The following TAF8 variants were observed in gnomAD, a reference collection of about 807,000 sequenced individuals.
TAF8 encodes TATA-box binding protein associated factor 8, also known as transcription initiation factor TFIID subunit 8.
Under a neutral mutation model 36.5 loss-of-function variants are expected in TAF8, and 47 were observed. The ratio of observed to expected loss-of-function variants is 1.29; its 90% CI spans 1.02 to 1.64. The LOEUF is 1.64. Ranked by LOEUF, TAF8 falls within the 40% of genes most tolerant of loss-of-function variation. The probability of loss-of-function intolerance (pLI) is 0.00; values close to 1 mark genes in which losing one functional copy is unlikely to be tolerated. For synonymous variants in TAF8, 175 were observed against 159.5 expected, an observed-to-expected ratio of 1.10 and a Z score of -0.73; for missense variants, 420 against 407.6, an observed-to-expected ratio of 1.03 and a Z score of -0.26.
intron 1 of TAF8, chr6:42,051,085 C>G (rs2127446697): frequency 8.8e-7 from 1 of 1,133,174 alleles, no homozygotes; most frequent in African/African-American, 1.6e-5. Flanking sequence ...GCTATGTATT[C>G]TAATAATCTG....
downstream of TAF8, chr6:42,086,854 TCCAG>T: frequency 8.6e-7 from 1 of 1,160,326 alleles, no homozygotes; most frequent in Non-Finnish European, 1.3e-6. Context: ...CTGTGCTCCT[TCCAG>T]CCCTTGCTGG....
intron 7 of TAF8, among the ~76,000 whole-genome samples, chr6:42,070,214 C>T (rs113333281): frequency 0.015 from 2,306 of 152,052 alleles, 40 homozygotes; most frequent in African/African-American, 0.046. Flanking sequence ...AAAGGCCGGG[C>T]GCGGTGGCTC....
intron 5 of TAF8, among the ~76,000 whole-genome samples, chr6:42,060,822 T>C (rs544840888): frequency 6.6e-6 from 1 of 152,360 alleles, no homozygotes; most frequent in South Asian, 2.1e-4. Flanking sequence ...CAATTAGCTA[T>C]ACTGCCATAA....
chr6:42,051,491 G>A lies in TAF8; in HGVS notation c.180G>A (p.Thr60=), dbSNP rs760650503. The A allele has an allele frequency of 4.6e-5, 74 of 1,613,894 alleles. No homozygotes were observed. The highest frequency in any genetic ancestry group is 3.3e-4 in the Middle Eastern group (2 of 6,082). ...GTGCCGAGAAAGCATCCGTGGAAAC[G>A]CTGACAGAGATGCTGCAGAGCTGTG... The part of the protein sequence containing the change: ...FESAEKASVE[T]LTEMLQSYIS... Residue 60 remains threonine (T), a synonymous_variant, in exon 2 of 9, where the codon ACG becomes ACA. Coordinates refer to ENST00000372977, the MANE Select transcript of TAF8 (RefSeq NM_138572.3).
chr6:42,080,988 G>A lies in TAF8; in HGVS notation c.*3443G>A. The A allele has an allele frequency of 1.4e-5, 14 of 984,972 alleles. No individual in the cohort carries two copies. Among genetic ancestry groups the A allele is most frequent in the Non-Finnish European group, 1.7e-5 (14 of 829,576 alleles). 61.0% of individuals were successfully genotyped at this position (984,972 alleles called of 1,614,324 possible). A position where few individuals can be genotyped will look rare whatever the true frequency, so the allele number is the denominator to read the frequency against. On this transcript the variant is annotated 3_prime_UTR_variant, in exon 9 of 9. Transcript: ENST00000372977. ...TAAGTCAGGCTTAGCCCTTGTGTTG[G>A]CCTAAGCACACCTGGGAACTTAGTA...
rs766461968 is a variant in TAF8, at chr6:42,068,524, G to C, written c.697G>C (p.Glu233Gln). The change falls in exon 7 of 9, where the codon GAG becomes CAG. Residue 233 changes from glutamate (E) to glutamine (Q), a missense_variant. Transcript: ENST00000372977. ...YLTALLPSEL[E>Q]MQQMEETDSS... The stretch of plus-strand genomic sequence containing the variant: ...GACAGCTCTTCTTCCGTCTGAACTG[G>C]AGATGCAACAAATGGAAGAGACAGA... 1.9e-6 allele frequency: 3 copies of C among 1,614,104 alleles called. No homozygotes were observed. The highest frequency in any genetic ancestry group is 2.5e-6 in the Non-Finnish European group (3 of 1,180,030).
chr6:42,057,274 T>G, intron 4 of TAF8, 115 bp from the exon 5 acceptor site: 4 of 1,445,338 alleles, frequency 2.8e-6, no homozygotes, highest in Non-Finnish European at 3.8e-6. Flanking sequence ...ATGCAACTTG[T>G]TTAGAAAATT....
chr6:42,076,977 A>G, intron 7 of TAF8, 123 bp from the exon 8 acceptor site: 3 of 1,254,636 alleles, frequency 2.4e-6, no homozygotes, highest in Non-Finnish European at 3.3e-6. Flanking sequence ...GGAATGTTGG[A>G]AAGAAGGTGC....
chr6:42,054,378 G>A (rs1313180600), intron 2 of TAF8, among the ~76,000 whole-genome samples: 1 of 152,158 alleles, frequency 6.6e-6, no homozygotes, highest in Non-Finnish European at 1.5e-5. Context: ...GTACAATTCA[G>A]TGGTATTAAG....
chr6:42,051,137 G>A, intron 1 of TAF8: 2 of 1,287,868 alleles, frequency 1.6e-6, no homozygotes, highest in Middle Eastern at 3.0e-4. Context: ...ATCTCATTGG[G>A]ACTGTACGTT....
At chr6:42,061,616 A>C (rs1765191957) in intron 5 of TAF8, among the ~76,000 whole-genome samples, 2 of 152,200 alleles carry the variant, frequency 1.3e-5, no homozygotes, top group Non-Finnish European at 2.9e-5. Context: ...ATTATTACTG[A>C]TAACATACAC....
intron 6 of TAF8, among the ~76,000 whole-genome samples, chr6:42,067,079 C>T (rs921685141): frequency 6.6e-6 from 1 of 152,186 alleles, no homozygotes; most frequent in African/African-American, 2.4e-5. Flanking sequence ...TATATCACTA[C>T]CTTCATAGGA....
chr6:42,051,732 G>A (rs1159565662), intron 2 of TAF8: 8 of 350,286 alleles, frequency 2.3e-5, no homozygotes, highest in East Asian at 1.1e-4. Context: ...AGGCTGAGGC[G>A]GGTGGATCAC....
rs1183212721 is a variant in TAF8, at chr6:42,083,261, C to T, written c.*5716C>T. 1 of 152,194 alleles carries T rather than the reference C, an allele frequency of 6.6e-6. No homozygotes were observed. The highest frequency in any genetic ancestry group is 2.4e-5 in the African/African-American group (1 of 41,456). The allele number at this position is 152,194 out of a possible 1,614,324, so 9.4% of individuals were successfully genotyped here. A position where few individuals can be genotyped will look rare whatever the true frequency, so the allele number is the denominator to read the frequency against. ...GTTCCATGTCAGTAATAAAGAGCTT[C>T]TCTGTTTCGTGGCTGCATGGTTGTT... On this transcript the variant is annotated 3_prime_UTR_variant, in exon 9 of 9. Transcript: ENST00000372977.
At chr6:42,062,385 AG>A (rs1765218103) in intron 5 of TAF8, among the ~76,000 whole-genome samples, 1 of 152,182 alleles carries the variant, frequency 6.6e-6, no homozygotes, top group African/African-American at 2.4e-5. Flanking sequence ...TTTAGCCTAC[AG>A]AAAAAAGCTA....
At chr6:42,057,628 C>T (rs1765050935) in intron 5 of TAF8, 115 bp downstream of exon 5, 5 of 1,424,868 alleles carry the variant, frequency 3.5e-6, no homozygotes, top group Non-Finnish European at 4.8e-6. Flanking sequence ...TGGTTCAAAA[C>T]TCAGAATGTG....
At position 42,055,861 on chromosome 6, in the gene TAF8, G is replaced by C. The variant is rs977139573; in HGVS notation, c.302-91G>C. On this transcript the variant is annotated intron_variant, in intron 3 of 8. Transcript: ENST00000372977. ...CGTGGCTGCAAGGTCATTGAGTTGA[G>C]AGTTTAAGCCATTTGTCCATACTAC... 1.7e-5 allele frequency: 16 copies of C among 931,008 alleles called. No homozygotes were observed. The East Asian group carries it at 2.9e-4, about 17-fold the overall frequency. The allele number at this position is 931,008 out of a possible 1,614,324, so 57.7% of individuals were successfully genotyped here. A position where few individuals can be genotyped will look rare whatever the true frequency, so the allele number is the denominator to read the frequency against.
downstream of TAF8, among the ~76,000 whole-genome samples, chr6:42,084,621 C>A (rs1191820628): frequency 6.6e-6 from 1 of 151,988 alleles, no homozygotes; most frequent in Non-Finnish European, 1.5e-5. Flanking sequence ...TGCCACCGCA[C>A]CTGGCTGATT....
In TAF8 at chr6:42,079,076, C is replaced by T. The variant is rs923238748; in HGVS notation, c.*1531C>T. The T allele has an allele frequency of 3.6e-5, 29 of 794,736 alleles. No individual in the cohort carries two copies. The East Asian group carries it at 3.8e-4, about 10-fold the overall frequency. 49.2% of individuals were successfully genotyped at this position (794,736 alleles called of 1,614,324 possible). On this transcript the variant is annotated 3_prime_UTR_variant, in exon 9 of 9. Coordinates refer to ENST00000372977, the MANE Select transcript of TAF8 (RefSeq NM_138572.3). ...GGCGGAGGTTGCAGTGAGCCGAGAT[C>T]GTGCCACTGCACTCCAGCCTGGGTG...
Sources: gnomAD v4.1 joint callset for allele counts (sites outside exome capture counted in the v4.1 genomes callset) on GRCh38, gnomAD v4.1.1 for gene constraint, MANE v1.5 for transcripts, NCBI Gene and HGNC (gene_info 2026-07-23, HGNC 2026-07-21) for gene names.